Variants in PDIA5 observed in about 807,000 individuals in gnomAD.
The protein encoded by PDIA5 is protein disulfide isomerase family A member 5.
In PDIA5, 58 loss-of-function variants were observed where a neutral mutation model predicts 77.6. The observed-to-expected ratio is 0.75, with a 90% CI of 0.61 to 0.93. The LOEUF is 0.93. PDIA5 is among the 40% of genes least tolerant of loss of function. The probability of loss-of-function intolerance (pLI) is 0.00; values close to 1 mark genes in which losing one functional copy is unlikely to be tolerated. For synonymous variants in PDIA5, 250 were observed against 252.1 expected (o/e 0.99, Z 0.08); for missense variants, 630 against 647.7 (o/e 0.97, Z 0.30).
intron 11 of PDIA5, among the ~76,000 whole-genome samples, chr3:123,135,942 CATTT>C (rs961467695): frequency 3.4e-5 from 5 of 147,110 alleles, no homozygotes; most frequent in African/African-American, 1.3e-4. Context: ...TTATTTTATT[CATTT>C]ATTTATTTCT....
At chr3:123,161,239 A>C (rs1936152699) in intron 15 of PDIA5, 82 bp from the exon 16 acceptor site, 5 of 1,437,994 alleles carry the variant, frequency 3.5e-6, no homozygotes, top group African/African-American at 1.4e-5. Context: ...TGTGACGTGG[A>C]CTAGATGTGC....
chr3:123,089,940 G>C (rs1022573619), intron 2 of PDIA5, among the ~76,000 whole-genome samples: 1 of 152,240 alleles, frequency 6.6e-6, no homozygotes, highest in African/African-American at 2.4e-5. Flanking sequence ...CAGTGACTTT[G>C]GGGGAGGGTG....
At chr3:123,157,420 G>A (rs1936045628) in intron 15 of PDIA5, among the ~76,000 whole-genome samples, 1 of 152,142 alleles carries the variant, frequency 6.6e-6, no homozygotes, top group Admixed American at 6.5e-5. Flanking sequence ...TGGTGTGTGG[G>A]GACTGTTGGC....
intron 15 of PDIA5, among the ~76,000 whole-genome samples, chr3:123,155,601 G>GT (rs1936004695): frequency 6.6e-6 from 1 of 152,258 alleles, no homozygotes; most frequent in Admixed American, 6.5e-5. Context: ...GCTGGGAGAG[G>GT]GCTTGTGGGG....
chr3:123,070,047 G>A (rs530531138), intron 1 of PDIA5, among the ~76,000 whole-genome samples: 13 of 148,006 alleles, frequency 8.8e-5, no homozygotes, highest in Non-Finnish European at 1.3e-4. Flanking sequence ...CTGAGATCGC[G>A]CCACTGCACT....
intron 1 of PDIA5, among the ~76,000 whole-genome samples, chr3:123,083,278 C>G (rs1364920443): frequency 6.6e-6 from 1 of 152,110 alleles, no homozygotes; most frequent in African/African-American, 2.4e-5. Flanking sequence ...GGTGCTCTGA[C>G]AGCGATGTGC....
intron 14 of PDIA5, among the ~76,000 whole-genome samples, chr3:123,151,308 G>A (rs1023715778): frequency 4.6e-5 from 7 of 152,252 alleles, no homozygotes; most frequent in Non-Finnish European, 8.8e-5. Context: ...TCTGTAGAGT[G>A]TGCCCAGAAG....
intron 13 of PDIA5, among the ~76,000 whole-genome samples, chr3:123,147,927 G>A (rs997096201): frequency 6.6e-6 from 1 of 152,130 alleles, no homozygotes; most frequent in African/African-American, 2.4e-5. Flanking sequence ...CCAGAGTGTC[G>A]ATCATCACTA....
chr3:123,160,628 A>C (rs1936137819), intron 15 of PDIA5, among the ~76,000 whole-genome samples: 1 of 152,184 alleles, frequency 6.6e-6, no homozygotes, highest in Admixed American at 6.5e-5. Context: ...CCAGACACTG[A>C]GCCCCTAAGT....
intron 14 of PDIA5, among the ~76,000 whole-genome samples, chr3:123,153,866 C>T (rs543060830): frequency 2.8e-3 from 423 of 152,330 alleles, no homozygotes; most frequent in African/African-American, 0.01. Flanking sequence ...TGAGCAAAGC[C>T]GTTTCTGTTC....
At chr3:123,139,388 C>T (rs1935573233) in intron 11 of PDIA5, among the ~76,000 whole-genome samples, 1 of 152,146 alleles carries the variant, frequency 6.6e-6, no homozygotes, top group Non-Finnish European at 1.5e-5. Context: ...AGACCTTTCT[C>T]CTCCTCTGGG....
Position 123,086,156 on chromosome 3 carries a change from G to A in PDIA5, c.43-3012G>A, listed in dbSNP as rs181965194. ...TTATATTTAGAAACACTAGAATATG[G>A]TAATGTTTCAGTCTTCTTCTCTGCT... On this transcript the variant is annotated intron_variant, in intron 1 of 16. Transcript: ENST00000316218. Among the ~76,000 whole-genome samples the A allele has an allele frequency of 1.8e-4, 27 of 152,266 alleles. No individual in the cohort carries two copies. The East Asian group carries it at 3.5e-3, about 20-fold the overall frequency.
In PDIA5 at chr3:123,124,158, G is replaced by C; in HGVS notation, c.701+1G>C. On this transcript the variant is annotated splice_donor_variant, in intron 9 of 16. Coordinates refer to ENST00000316218, the MANE Select transcript of PDIA5 (RefSeq NM_006810.4). LOFTEE classifies it high-confidence loss of function. Reference sequence around the variant, plus strand: ...GCTTCCCCACCATCTGCTATTTTGAGTACGTCCCCCACTTTCCTTCTAAAG... The same window carrying C: ...GCTTCCCCACCATCTGCTATTTTGACTACGTCCCCCACTTTCCTTCTAAAG... 6.2e-7 allele frequency: 1 copy of C among 1,611,908 alleles called. No individual in the cohort carries two copies. The highest frequency in any genetic ancestry group is 8.5e-7 in the Non-Finnish European group (1 of 1,177,938).
chr3:123,090,454 TAC>T (rs1334992105), intron 2 of PDIA5, among the ~76,000 whole-genome samples: 1 of 152,156 alleles, frequency 6.6e-6, no homozygotes, highest in African/African-American at 2.4e-5. Context: ...CTCATCATAA[TAC>T]AGTCTCATTG....
chr3:123,124,150 T>C lies in PDIA5; in HGVS notation c.694T>C (p.Tyr232His), dbSNP rs1377403551. ...CGTGCGCGGCTTCCCCACCATCTGCTATTTTGAGTACGTCCCCCACTTTCC... is the reference window on the plus strand; with the variant it reads ...CGTGCGCGGCTTCCCCACCATCTGCCATTTTGAGTACGTCCCCCACTTTCC... ...YSVRGFPTIC[Y>H]FEKGRFLFQY... The change falls in exon 9 of 17, where the codon TAT becomes CAT. Residue 232 changes from tyrosine (Y) to histidine (H), a missense_variant. By Grantham distance (83) the Tyr-to-His change is moderately conservative. Transcript: ENST00000316218. The C allele has an allele frequency of 6.2e-7, 1 of 1,612,700 alleles. No homozygotes were observed.
Position 123,134,198 on chromosome 3 carries a change from A to T in PDIA5, c.910+3582A>T, listed in dbSNP as rs771132008. ...ACCGCCACACCTGGCTAATTTTTAAATTTTTTGTAAAGACGGGGTCTCACT... is the reference window on the plus strand; with the variant it reads ...ACCGCCACACCTGGCTAATTTTTAATTTTTTTGTAAAGACGGGGTCTCACT... On this transcript the variant is annotated intron_variant, in intron 11 of 16. Coordinates refer to ENST00000316218, the MANE Select transcript of PDIA5 (RefSeq NM_006810.4). Among the ~76,000 whole-genome samples, 114 of 152,032 alleles carry T rather than the reference A, an allele frequency of 7.5e-4. No homozygotes were observed. In the Middle Eastern group the frequency reaches 0.014, roughly 18 times the overall value.
intron 1 of PDIA5, among the ~76,000 whole-genome samples, chr3:123,075,303 C>A (rs1183035870): frequency 6.6e-6 from 1 of 152,064 alleles, no homozygotes; most frequent in African/African-American, 2.4e-5. Context: ...TTTAGGGGTG[C>A]TGTTCAGGAG....
At chr3:123,102,039 A>G (rs2107932667) in intron 3 of PDIA5, among the ~76,000 whole-genome samples, 1 of 149,152 alleles carries the variant, frequency 6.7e-6, no homozygotes, top group East Asian at 2.0e-4. Flanking sequence ...CCTCCTGAGT[A>G]GCTGGGATTA....
At chr3:123,141,900 G>T (rs899076385) in intron 11 of PDIA5, among the ~76,000 whole-genome samples, 2 of 152,120 alleles carry the variant, frequency 1.3e-5, no homozygotes, top group Non-Finnish European at 2.9e-5. Context: ...GTGTTCTTCC[G>T]CTTTGCCTCC....
Sources: allele counts gnomAD v4.1 joint callset (sites outside exome capture counted in the v4.1 genomes callset), GRCh38; gene constraint gnomAD v4.1.1; transcripts MANE v1.5; gene names NCBI Gene and HGNC (gene_info 2026-07-23, HGNC 2026-07-21).